The following TJP1 variants were observed in gnomAD, a reference collection of about 807,000 sequenced individuals.
TJP1 encodes tight junction protein ZO-1.
Under a neutral mutation model 194.2 loss-of-function variants are expected in TJP1, and 43 were observed. The ratio of observed to expected loss-of-function variants is 0.22; its 90% CI spans 0.17 to 0.29. The LOEUF (loss-of-function observed/expected upper bound fraction) is 0.29. Ranked by LOEUF, TJP1 falls within the 10% of genes least tolerant of loss-of-function variation. The probability of loss-of-function intolerance (pLI) is 1.00; values close to 1 mark genes in which losing one functional copy is unlikely to be tolerated. For synonymous variants in TJP1, 801 were observed against 779.0 expected, an observed-to-expected ratio of 1.03 and a Z score of -0.47; for missense variants, 1,971 against 2,185.7, an observed-to-expected ratio of 0.90 and a Z score of 1.96.
intron 2 of TJP1, among the ~76,000 whole-genome samples, chr15:29,780,130 C>A (rs983086409): frequency 6.6e-6 from 1 of 152,118 alleles, no homozygotes; most frequent in Non-Finnish European, 1.5e-5. Flanking sequence ...CACAGACCGG[C>A]AGGTGGAGGG....
At chr15:29,841,254 G>A (rs1159454020) in intron 2 of TJP1, among the ~76,000 whole-genome samples, 1 of 152,168 alleles carries the variant, frequency 6.6e-6, no homozygotes, top group Non-Finnish European at 1.5e-5. Context: ...ACCTAGACGA[G>A]GCTGCAGTTT....
chr15:29,941,466 G>A (rs1039747528), intron 2 of TJP1, among the ~76,000 whole-genome samples: 1 of 152,096 alleles, frequency 6.6e-6, no homozygotes, highest in African/African-American at 2.4e-5. Context: ...CTGAAGGGGG[G>A]AAGGAGGCTT....
At position 29,822,063 on chromosome 15, in the gene TJP1, G is replaced by A. The variant is rs765190263; in HGVS notation, c.-35C>T. 6.6e-5 allele frequency: 84 copies of A among 1,273,204 alleles called. No individual in the cohort carries two copies. The East Asian group carries it at 1.8e-3, about 28-fold the overall frequency. The allele number at this position is 1,273,204 out of a possible 1,614,324, so 78.9% of individuals were successfully genotyped here. A position where few individuals can be genotyped will look rare whatever the true frequency, so the allele number is the denominator to read the frequency against. On this transcript the variant is annotated 5_prime_UTR_variant, in exon 1 of 28. Transcript: ENST00000614355. ...CTCCAGCGCCGCGCGAGGCTCCTCG[G>A]ACCCGAAACTCCGCGGCGCTGGCCC...
intron 8 of TJP1, among the ~76,000 whole-genome samples, chr15:29,753,695 G>A (rs551390642): frequency 6.6e-6 from 1 of 151,954 alleles, no homozygotes; most frequent in East Asian, 1.9e-4. Context: ...ATTGGTCACG[G>A]TGTAAGGTAC....
Position 29,708,992 on chromosome 15 carries a change from G to C in TJP1, c.4417C>G (p.Pro1473Ala), listed in dbSNP as rs368424269. The change falls in exon 25 of 28, where the codon CCA (proline) becomes GCA (alanine). Residue 1473 changes from proline to alanine, a missense_variant. Coordinates refer to ENST00000614355, the MANE Select transcript of TJP1 (RefSeq NM_001330239.4). ...LDFQNSLVSK[P>A]DPPPSQNKPA... ...TTATTCTGAGATGGAGGTGGGTCTG[G>C]TTTGGACACTAAGGAATTCTGAAAA... 4.3e-6 allele frequency: 7 copies of C among 1,613,796 alleles called. No individual in the cohort carries two copies. The African/African-American group carries it at 8.0e-5, about 18-fold the overall frequency.
At chr15:29,748,620 T>C (rs548069239) in intron 8 of TJP1, among the ~76,000 whole-genome samples, 4 of 133,790 alleles carry the variant, frequency 3.0e-5, no homozygotes, top group Non-Finnish European at 6.1e-5. Context: ...TTGCCCTGGC[T>C]GGAGTGCAGT....
upstream of TJP1, among the ~76,000 whole-genome samples, chr15:29,824,367 C>T (rs891637080): frequency 1.3e-5 from 2 of 151,742 alleles, no homozygotes; most frequent in Non-Finnish European, 2.9e-5. Context: ...CGCTTGAACC[C>T]GAGAGGCGGA....
intron 1 of TJP1, among the ~76,000 whole-genome samples, chr15:29,962,822 C>A (rs947909187): frequency 6.6e-6 from 1 of 152,148 alleles, no homozygotes; most frequent in African/African-American, 2.4e-5. Flanking sequence ...ATAATGTGCA[C>A]AACTGCCAAT....
At chr15:29,832,047 G>A (rs2050853363) in intron 2 of TJP1, among the ~76,000 whole-genome samples, 1 of 152,086 alleles carries the variant, frequency 6.6e-6, no homozygotes, top group Non-Finnish European at 1.5e-5. Context: ...GTAAATAATT[G>A]CCATACATTA....
At chr15:29,847,238 G>A (rs983730382) in intron 2 of TJP1, among the ~76,000 whole-genome samples, 6 of 151,982 alleles carry the variant, frequency 3.9e-5, no homozygotes, top group African/African-American at 1.4e-4. Flanking sequence ...GAGTAGCTGG[G>A]ACCACAGGTG....
At chr15:29,848,910 T>G (rs890209230) in intron 2 of TJP1, among the ~76,000 whole-genome samples, 1 of 152,128 alleles carries the variant, frequency 6.6e-6, no homozygotes, top group African/African-American at 2.4e-5. Flanking sequence ...TCTGTGGTTT[T>G]TTTTAAATAT....
Position 29,761,187 on chromosome 15 carries a change from T to C in TJP1, c.962A>G (p.Glu321Gly), listed in dbSNP as rs978908617. The change falls in exon 8 of 28, where the codon GAG becomes GGG. Residue 321 changes from glutamate (E) to glycine (G), a missense_variant. Physicochemically the swap from Glu to Gly is moderately conservative, Grantham distance 98 (BLOSUM62 -2). Coordinates refer to ENST00000614355, the MANE Select transcript of TJP1 (RefSeq NM_001330239.4). ...SRSRSPDQRS[E>G]PSDHSRHSPQ... ...CGAGTGCCTGGAATGATCAGAAGGC[T>C]CTGACCGCTGGTCAGGAGATCGTGA... 3 of 1,613,972 alleles carry C rather than the reference T, an allele frequency of 1.9e-6. No homozygotes were observed. Among genetic ancestry groups the C allele is most frequent in the Non-Finnish European group, 2.5e-6 (3 of 1,179,948 alleles).
chr15:29,766,603 C>G, intron 4 of TJP1, 61 bp from the exon 5 acceptor site: 2 of 1,472,004 alleles, frequency 1.4e-6, no homozygotes, highest in African/African-American at 2.8e-5. Flanking sequence ...CGTTCAGTTC[C>G]AAAGAGAAAG....
At chr15:29,796,477 G>A (rs1333190150) in intron 2 of TJP1, among the ~76,000 whole-genome samples, 1 of 150,844 alleles carries the variant, frequency 6.6e-6, no homozygotes, top group Non-Finnish European at 1.5e-5. Flanking sequence ...ACAAAAATGT[G>A]TGCAGGATCT....
At chr15:29,799,416 AT>A (rs565711466) in intron 2 of TJP1, among the ~76,000 whole-genome samples, 201 of 144,252 alleles carry the variant, frequency 1.4e-3, no homozygotes, top group Middle Eastern at 3.6e-3. Flanking sequence ...AGAAAAAAAA[AT>A]TTTTTTTTTT....
chr15:29,909,172 G>GA (rs375197749), intron 2 of TJP1, among the ~76,000 whole-genome samples: 1,816 of 137,176 alleles, frequency 0.013, 22 homozygotes, highest in Non-Finnish European at 0.02. Context: ...AAAAAAAAAA[G>GA]AAAAGAAAAA....
intron 8 of TJP1, among the ~76,000 whole-genome samples, chr15:29,748,922 ATGTGTGTGTGTGTG>A (rs112772922): frequency 3.1e-4 from 32 of 104,616 alleles, no homozygotes; most frequent in South Asian, 9.5e-4. Flanking sequence ...AAGCTTAAAA[ATGTGTGTGTGTGTG>A]TGTGTGTGTG....
intron 2 of TJP1, among the ~76,000 whole-genome samples, chr15:29,846,224 A>G (rs776906111): frequency 6.6e-6 from 1 of 152,140 alleles, no homozygotes; most frequent in Non-Finnish European, 1.5e-5. Flanking sequence ...AATATGGCCT[A>G]CAGCTCCTGC....
At chr15:29,838,079 T>C (rs1870814987) in intron 2 of TJP1, among the ~76,000 whole-genome samples, 1 of 152,220 alleles carries the variant, frequency 6.6e-6, no homozygotes, top group South Asian at 2.1e-4. Flanking sequence ...GCTACACATA[T>C]ATAAAATATC....
Sources: gnomAD v4.1 joint callset for allele counts (sites outside exome capture counted in the v4.1 genomes callset) on GRCh38, gnomAD v4.1.1 for gene constraint, MANE v1.5 for transcripts, NCBI Gene and HGNC (gene_info 2026-07-23, HGNC 2026-07-21) for gene names.